Variants in RBPJ observed in about 807,000 individuals in gnomAD.
RBPJ encodes the protein recombining binding protein suppressor of hairless.
In RBPJ, 9 loss-of-function variants were observed where a neutral mutation model predicts 67.8. The ratio of observed to expected loss-of-function variants is 0.13; its 90% CI spans 0.08 to 0.23. The LOEUF is 0.23. Ranked by LOEUF, RBPJ falls within the 10% of genes least tolerant of loss-of-function variation. RBPJ has a pLI of 1.00. For synonymous variants in RBPJ, 198 were observed against 203.3 expected (o/e 0.97, Z 0.22); for missense variants, 305 against 595.6 (o/e 0.51, Z 5.08).
intron 1 of RBPJ, among the ~76,000 whole-genome samples, chr4:26,179,676 G>A (rs766506771): frequency 6.6e-6 from 1 of 152,140 alleles, no homozygotes; most frequent in Non-Finnish European, 1.5e-5. Flanking sequence ...ACAGATGCTG[G>A]CAACGTTGTG....
chr4:26,192,743 G>C (rs968743982), intron 1 of RBPJ, among the ~76,000 whole-genome samples: 1 of 152,098 alleles, frequency 6.6e-6, no homozygotes, highest in African/African-American at 2.4e-5. Flanking sequence ...ACATTGCCTC[G>C]CTGCCATGTA....
At chr4:26,346,800 T>C (rs1413876610) in intron 1 of RBPJ, among the ~76,000 whole-genome samples, 1 of 152,108 alleles carries the variant, frequency 6.6e-6, no homozygotes, top group Admixed American at 6.5e-5. Context: ...GAGACCAGCC[T>C]GGCCAATGTG....
chr4:26,170,676 TTTG>T (rs1267052818), intron 1 of RBPJ, among the ~76,000 whole-genome samples: 1 of 152,214 alleles, frequency 6.6e-6, no homozygotes, highest in African/African-American at 2.4e-5. Context: ...ATCAGTAATT[TTTG>T]TTAACTGTAT....
At chr4:26,277,625 G>A (rs766054021) in intron 1 of RBPJ, among the ~76,000 whole-genome samples, 132 of 152,350 alleles carry the variant, frequency 8.7e-4, no homozygotes, top group Non-Finnish European at 9.8e-4. Context: ...ACACAATCTC[G>A]AAGGAGTGGC....
At chr4:26,245,234 A>T (rs1239278909) in intron 1 of RBPJ, among the ~76,000 whole-genome samples, 16 of 100,728 alleles carry the variant, frequency 1.6e-4, no homozygotes, top group Admixed American at 1.0e-3. Flanking sequence ...TTTGAGTTGG[A>T]GTCTCACTCG....
chr4:26,354,751 CAA>C (rs1006339946), intron 1 of RBPJ, among the ~76,000 whole-genome samples: 6 of 151,922 alleles, frequency 3.9e-5, no homozygotes, highest in Non-Finnish European at 8.8e-5. Flanking sequence ...GCCTGGCCGG[CAA>C]AGAGATTTTA....
intron 1 of RBPJ, among the ~76,000 whole-genome samples, chr4:26,294,344 G>A (rs939810031): frequency 5.3e-5 from 8 of 150,766 alleles, no homozygotes; most frequent in South Asian, 2.1e-4. Context: ...TGATCCACCC[G>A]CCTTGGCCTC....
chr4:26,409,401 G>A (rs1027827065), intron 3 of RBPJ, among the ~76,000 whole-genome samples: 5 of 152,098 alleles, frequency 3.3e-5, no homozygotes, highest in African/African-American at 4.8e-5. Flanking sequence ...GTGAGACTCC[G>A]TCTAAAAAAG....
chr4:26,105,543 T>C, the RBPJ span, among the ~76,000 whole-genome samples: 4 of 152,200 alleles, frequency 2.6e-5, no homozygotes, highest in Non-Finnish European at 5.9e-5. Flanking sequence ...ATCAAAACTC[T>C]GGCAAAACTA....
At chr4:26,249,487 C>T (rs1560228737) in intron 1 of RBPJ, among the ~76,000 whole-genome samples, 1 of 152,000 alleles carries the variant, frequency 6.6e-6, no homozygotes, top group Admixed American at 6.6e-5. Flanking sequence ...TGGTGAAACC[C>T]TGTCTCTACT....
intron 1 of RBPJ, among the ~76,000 whole-genome samples, chr4:26,281,494 G>T (rs1721272492): frequency 6.6e-6 from 1 of 152,122 alleles, no homozygotes; most frequent in African/African-American, 2.4e-5. Flanking sequence ...TGGCCAGGCT[G>T]GTCTCGAACT....
At chr4:26,140,852 A>AATAAATAAATAAAT in the RBPJ span, among the ~76,000 whole-genome samples, 1 of 151,248 alleles carries the variant, frequency 6.6e-6, no homozygotes, top group African/African-American at 2.4e-5. Flanking sequence ...TAAATAAATA[A>AATAAATAAATAAAT]ATAAATAAAT....
chr4:26,322,667 A>G (rs1723208416), intron 1 of RBPJ, among the ~76,000 whole-genome samples: 1 of 112,326 alleles, frequency 8.9e-6, no homozygotes, highest in African/African-American at 2.9e-5. Flanking sequence ...TATATTATAT[A>G]TATATATACA....
intron 2 of RBPJ, among the ~76,000 whole-genome samples, chr4:26,401,504 GATTATA>G (rs1732795116): frequency 6.6e-6 from 1 of 152,158 alleles, no homozygotes; most frequent in South Asian, 2.1e-4. Context: ...CTCGTTTAAT[GATTATA>G]ATTAAAATCT....
intron 1 of RBPJ, among the ~76,000 whole-genome samples, chr4:26,223,749 TAGAC>T (rs1283206287): frequency 1.3e-5 from 2 of 152,276 alleles, no homozygotes; most frequent in African/African-American, 4.8e-5. Flanking sequence ...CTTAGAGAGA[TAGAC>T]AGAGTGGCAG....
Position 26,362,447 on chromosome 4 carries a change from C to A in RBPJ, c.21-23906C>A, listed in dbSNP as rs759847725. 37 of 1,429,808 alleles carry A rather than the reference C, an allele frequency of 2.6e-5. 1 individual carries two copies. In the Middle Eastern group the frequency reaches 7.8e-4, roughly 30 times the overall value. The allele number at this position is 1,429,808 out of a possible 1,614,324, so 88.6% of individuals were successfully genotyped here. On this transcript the variant is annotated intron_variant, in intron 1 of 10. Coordinates refer to ENST00000355476, the MANE Select transcript of RBPJ (RefSeq NM_015874.6). ...TTATTTTTTGTTTTTGTTTTTAAGT[C>A]ATTGAAATTATGAGACTATCATTCA...
At chr4:26,358,468 T>G (rs2109480540) in intron 1 of RBPJ, among the ~76,000 whole-genome samples, 1 of 152,144 alleles carries the variant, frequency 6.6e-6, no homozygotes, top group East Asian at 1.9e-4. Context: ...ACATTTCTTT[T>G]TGTATTTTAA....
At chr4:26,271,860 C>T (rs927497823) in intron 1 of RBPJ, among the ~76,000 whole-genome samples, 1 of 152,210 alleles carries the variant, frequency 6.6e-6, no homozygotes, top group African/African-American at 2.4e-5. Context: ...GCCACACACA[C>T]ACGTGCATGC....
intron 8 of RBPJ, among the ~76,000 whole-genome samples, chr4:26,429,391 A>T (rs1735994417): frequency 6.6e-6 from 1 of 152,198 alleles, no homozygotes; most frequent in Admixed American, 6.5e-5. Flanking sequence ...TTGCAGAGAG[A>T]TGCCCATACA....
Sources: allele counts gnomAD v4.1 joint callset (sites outside exome capture counted in the v4.1 genomes callset), GRCh38; gene constraint gnomAD v4.1.1; transcripts MANE v1.5; gene names NCBI Gene and HGNC (gene_info 2026-07-23, HGNC 2026-07-21).